Variants in CLEC12A observed in about 807,000 individuals in gnomAD.
CLEC12A encodes the protein C-type lectin domain family 12 member A.
Under a neutral mutation model 26.5 loss-of-function variants are expected in CLEC12A, and 22 were observed. That is an observed-to-expected ratio of 0.83 (90% confidence interval 0.59 to 1.19). The LOEUF (loss-of-function observed/expected upper bound fraction) is 1.19. Ranked by LOEUF, CLEC12A falls within the 50% of genes most tolerant of loss-of-function variation. The probability of loss-of-function intolerance (pLI) is 0.00; values close to 1 mark genes in which losing one functional copy is unlikely to be tolerated. For missense variants in CLEC12A, 353 were observed against 315.6 expected, an observed-to-expected ratio of 1.12 and a Z score of -0.90; for synonymous variants, 119 against 101.9, an observed-to-expected ratio of 1.17 and a Z score of -1.01.
chr12:9,951,515 G>T, intron 1 of CLEC12A: 1 of 646,574 alleles, frequency 1.5e-6, no homozygotes, highest in Non-Finnish European at 2.8e-6. Context: ...GTTAGTAATT[G>T]AGTATGTGTC....
chr12:9,967,036 G>C (rs1408187457), upstream of CLEC12A, among the ~76,000 whole-genome samples: 1 of 151,698 alleles, frequency 6.6e-6, no homozygotes, highest in Non-Finnish European at 1.5e-5. Flanking sequence ...GCTAGTCATG[G>C]AATGAAACTG....
At chr12:9,990,940 A>G (rs1252974614) in intron 4 of CLEC12A, 1 of 152,240 alleles carries the variant, frequency 6.6e-6, no homozygotes, top group Non-Finnish European at 1.5e-5. Flanking sequence ...AAAGACTCAA[A>G]TAATCAGCAT....
At chr12:9,987,789 C>A (rs955567193), downstream of CLEC12A, among the ~76,000 whole-genome samples, 1 of 151,570 alleles carries the variant, frequency 6.6e-6, no homozygotes, top group Non-Finnish European at 1.5e-5. Flanking sequence ...GATCATTTTA[C>A]CTTTTCTTTC....
downstream of CLEC12A, among the ~76,000 whole-genome samples, chr12:9,997,637 T>A (rs1022548998): frequency 2.0e-5 from 3 of 152,216 alleles, no homozygotes; most frequent in African/African-American, 7.2e-5. Flanking sequence ...GATGCCAAAC[T>A]ATTCATTCAT....
chr12:10,001,975 G>A, the CLEC12A span, among the ~76,000 whole-genome samples: 1 of 151,522 alleles, frequency 6.6e-6, no homozygotes, highest in African/African-American at 2.4e-5. Context: ...CGCCTCCTGG[G>A]TTCACGCCGT....
chr12:10,003,107 T>A, the CLEC12A span, among the ~76,000 whole-genome samples: 81,247 of 152,050 alleles, frequency 0.53, 22,168 homozygotes, highest in Non-Finnish European at 0.57. Flanking sequence ...ATAGCTATTC[T>A]GAGACTTTTT....
chr12:9,978,861 C>T (rs1864440145), intron 1 of CLEC12A, 105 bp from the exon 2 acceptor site: 2 of 781,622 alleles, frequency 2.6e-6, no homozygotes. Context: ...TTCCAATAGG[C>T]ATATTAGGAA....
chr12:10,002,128 G>A, the CLEC12A span, among the ~76,000 whole-genome samples: 2 of 151,934 alleles, frequency 1.3e-5, no homozygotes, highest in Admixed American at 6.6e-5. Context: ...TGATCCACCC[G>A]CCTCGGCCTC....
upstream of CLEC12A, among the ~76,000 whole-genome samples, chr12:9,966,727 G>T (rs1030397737): frequency 6.6e-6 from 1 of 150,894 alleles, no homozygotes; most frequent in Non-Finnish European, 1.5e-5. Context: ...ATTAAGTCCT[G>T]TTGTGGGGTT....
downstream of CLEC12A, chr12:9,997,349 G>T: frequency 7.1e-7 from 1 of 1,404,138 alleles, no homozygotes; most frequent in Non-Finnish European, 9.7e-7. Context: ...GTCTGTCATT[G>T]AATTTTCATT....
downstream of CLEC12A, among the ~76,000 whole-genome samples, chr12:9,997,436 A>C (rs1865081618): frequency 6.6e-6 from 1 of 152,218 alleles, no homozygotes; most frequent in African/African-American, 2.4e-5. Context: ...TGGAGGGGCT[A>C]TAAAGAACAA....
intron 5 of CLEC12A, chr12:9,983,737 TTTTG>T (rs1230602801): frequency 8.4e-6 from 4 of 477,354 alleles, no homozygotes; most frequent in Non-Finnish European, 1.5e-5. Context: ...TTTTGTTTTG[TTTTG>T]TTTGTTTGCT....
At position 9,972,459 on chromosome 12, in the gene CLEC12A, T is replaced by C. The variant is rs538254836; in HGVS notation, c.91+772T>C. Among the ~76,000 whole-genome samples the C allele has an allele frequency of 2.7e-4, 41 of 152,332 alleles. 1 individual carries two copies. Among genetic ancestry groups the C allele is most frequent in the African/African-American group, 7.7e-4 (32 of 41,592 alleles). ...TGTATGGTTCTTGCCTTCTGGCTCCTAGCCTTTTGGGAGTGAAATCTGCCC... is the reference window on the plus strand; with the variant it reads ...TGTATGGTTCTTGCCTTCTGGCTCCCAGCCTTTTGGGAGTGAAATCTGCCC... On this transcript the variant is annotated intron_variant, in intron 1 of 5. Coordinates refer to ENST00000304361, the MANE Select transcript of CLEC12A (RefSeq NM_138337.6).
chr12:9,993,871 G>A (rs542700), intron 4 of CLEC12A, among the ~76,000 whole-genome samples: 82,972 of 151,928 alleles, frequency 0.55, 23,011 homozygotes, highest in South Asian at 0.72. Flanking sequence ...TTTATTTGGA[G>A]AATACCTGCA....
rs771373811 is a variant in CLEC12A at position 9,982,096 on chromosome 12, T to C, written c.608T>C (p.Met203Thr). 2 of 1,587,684 alleles carry C rather than the reference T, an allele frequency of 1.3e-6. No individual in the cohort carries two copies. Among genetic ancestry groups the C allele is most frequent in the Admixed American group, 3.3e-5 (2 of 59,786 alleles). The change falls in exon 5 of 6, where the codon ATG becomes ACG. Residue 203 changes from methionine to threonine, a missense_variant. By Grantham distance (81) the Met-to-Thr change is moderately conservative. Coordinates refer to ENST00000304361, the MANE Select transcript of CLEC12A (RefSeq NM_138337.6). ...CCTGAAGAAGATTCCACTCGTGGTA[T>C]GAGAGTGGATAATATAATCAACTCC... is the stretch of plus-strand genomic sequence containing the variant. ...LSPEEDSTRG[M>T]RVDNIINSSA... is the part of the protein sequence containing the mutation.
chr12:9,952,905 C>T (rs1335013893), intron 1 of CLEC12A: 1 of 106,988 alleles, frequency 9.3e-6, no homozygotes, highest in Non-Finnish European at 1.9e-5. Flanking sequence ...TGCCCGGCCG[C>T]CCCGTCTGAG....
Position 9,985,123 on chromosome 12 carries a change from C to A in CLEC12A, c.*97C>A. On this transcript the variant is annotated 3_prime_UTR_variant, in exon 6 of 6. Transcript: ENST00000304361. ...CTGGTTGACAATTAGTTGAGTTTGT[C>A]TGAAGACCTGGGATTTTATCATGCA... is the stretch of plus-strand genomic sequence containing the variant. 1 of 1,262,786 alleles carries A rather than the reference C, an allele frequency of 7.9e-7. No individual in the cohort carries two copies. Among genetic ancestry groups the A allele is most frequent in the Non-Finnish European group, 1.0e-6 (1 of 986,752 alleles). 78.2% of individuals were successfully genotyped at this position (1,262,786 alleles called of 1,614,324 possible).
intron 1 of CLEC12A, among the ~76,000 whole-genome samples, chr12:9,977,920 A>T (rs766266438): frequency 9.9e-5 from 15 of 152,186 alleles, no homozygotes; most frequent in Non-Finnish European, 1.8e-4. Flanking sequence ...GAATAATTGA[A>T]TACACATATA....
chr12:9,956,352 C>A (rs1863741157), intron 1 of CLEC12A, among the ~76,000 whole-genome samples: 1 of 152,164 alleles, frequency 6.6e-6, no homozygotes, highest in Admixed American at 6.5e-5. Flanking sequence ...TACATGGAAT[C>A]ATACAATTTG....
Sources: gnomAD v4.1 joint callset for allele counts (sites outside exome capture counted in the v4.1 genomes callset) on GRCh38, gnomAD v4.1.1 for gene constraint, MANE v1.5 for transcripts, NCBI Gene and HGNC (gene_info 2026-07-23, HGNC 2026-07-21) for gene names.